Variants in CFAP299 observed in about 807,000 individuals in gnomAD.
The protein encoded by CFAP299 is cilia and flagella associated protein 299.
CFAP299 carries 21 observed loss-of-function variants against 27.0 expected under a neutral mutation model. That is an observed-to-expected ratio of 0.78 (90% CI 0.55 to 1.12). CFAP299 has a LOEUF of 1.12. Among genes scored for constraint, CFAP299 ranks in the 50% most tolerant of loss-of-function variants. CFAP299 has a pLI of 0.00. For missense variants in CFAP299, 310 were observed against 276.6 expected, an observed-to-expected ratio of 1.12 and a Z score of -0.86; for synonymous variants, 104 against 98.1, an observed-to-expected ratio of 1.06 and a Z score of -0.36.
At chr4:80,387,250 G>A (rs561918835) in intron 2 of CFAP299, 4 of 1,591,784 alleles carry the variant, frequency 2.5e-6, no homozygotes, top group South Asian at 1.1e-5. Context: ...AGAAGTGGCC[G>A]GGGTAGCTCA....
At chr4:80,843,792 G>A (rs548029031) in intron 3 of CFAP299, among the ~76,000 whole-genome samples, 1 of 151,774 alleles carries the variant, frequency 6.6e-6, no homozygotes, top group East Asian at 1.9e-4. Flanking sequence ...TTAAGTTTTA[G>A]GGTACATGTG....
chr4:80,523,049 G>C (rs1732999664), intron 2 of CFAP299, among the ~76,000 whole-genome samples: 1 of 152,054 alleles, frequency 6.6e-6, no homozygotes, highest in South Asian at 2.1e-4. Flanking sequence ...TTGGGATTTT[G>C]ATAGGAATTG....
chr4:80,462,091 C>T (rs546180704), intron 2 of CFAP299, among the ~76,000 whole-genome samples: 1 of 152,238 alleles, frequency 6.6e-6, no homozygotes, highest in African/African-American at 2.4e-5. Context: ...TTTAATCCAA[C>T]CTTGGATCCC....
chr4:80,604,005 C>T (rs1737504375), intron 3 of CFAP299, among the ~76,000 whole-genome samples: 1 of 152,170 alleles, frequency 6.6e-6, no homozygotes, highest in South Asian at 2.1e-4. Context: ...TTAAAAAATA[C>T]TTGAATATAA....
intron 3 of CFAP299, among the ~76,000 whole-genome samples, chr4:80,843,228 C>A (rs1301623568): frequency 6.6e-6 from 1 of 152,056 alleles, no homozygotes; most frequent in Non-Finnish European, 1.5e-5. Flanking sequence ...TATCCCTCCC[C>A]CAGCCTGCCA....
chr4:80,546,610 C>T (rs1196098706), intron 2 of CFAP299, among the ~76,000 whole-genome samples: 1 of 152,110 alleles, frequency 6.6e-6, no homozygotes, highest in Non-Finnish European at 1.5e-5. Flanking sequence ...GTATTTGGGT[C>T]ATGGGGCAAA....
chr4:80,622,782 A>C (rs1348756263), intron 3 of CFAP299, among the ~76,000 whole-genome samples: 1 of 152,184 alleles, frequency 6.6e-6, no homozygotes, highest in East Asian at 1.9e-4. Context: ...GCTGCAGTCC[A>C]CTAGGAAGCA....
At chr4:80,901,248 C>G (rs977704234) in intron 4 of CFAP299, among the ~76,000 whole-genome samples, 1 of 152,150 alleles carries the variant, frequency 6.6e-6, no homozygotes, top group Non-Finnish European at 1.5e-5. Flanking sequence ...TAGCATATGA[C>G]TAGAACACGC....
chr4:80,531,201 A>G (rs934967156), intron 2 of CFAP299, among the ~76,000 whole-genome samples: 1 of 152,174 alleles, frequency 6.6e-6, no homozygotes, highest in Non-Finnish European at 1.5e-5. Context: ...TTCCAGGCAT[A>G]TTTTGAAAAT....
intron 3 of CFAP299, among the ~76,000 whole-genome samples, chr4:80,584,902 G>T (rs996149218): frequency 6.6e-6 from 1 of 151,944 alleles, no homozygotes; most frequent in Non-Finnish European, 1.5e-5. Flanking sequence ...GGCAGAAAAT[G>T]AATAATCAAA....
chr4:80,788,364 A>G (rs1727363716), intron 3 of CFAP299, among the ~76,000 whole-genome samples: 1 of 152,004 alleles, frequency 6.6e-6, no homozygotes, highest in South Asian at 2.1e-4. Context: ...TTTTACCGAT[A>G]TCTAACTGAA....
intron 3 of CFAP299, among the ~76,000 whole-genome samples, chr4:80,804,776 T>G (rs1728781075): frequency 6.6e-6 from 1 of 152,184 alleles, no homozygotes; most frequent in Non-Finnish European, 1.5e-5. Flanking sequence ...GGATCTAAAA[T>G]GAGTTTTACA....
rs762677729 is a variant in CFAP299 at position 80,944,769 on chromosome 4, C to T, written c.477-41C>T. The T allele has an allele frequency of 5.6e-6, 8 of 1,433,962 alleles. No individual in the cohort carries two copies. In the Admixed American group the frequency reaches 1.0e-4, roughly 18 times the overall value. 88.8% of individuals were successfully genotyped at this position (1,433,962 alleles called of 1,614,324 possible). A position where few individuals can be genotyped will look rare whatever the true frequency, so the allele number is the denominator to read the frequency against. ...TTAAACTATATTTGTCAATTTAATG[C>T]ATTATACATCTTAATTCCTAATAAA... On this transcript the variant is annotated intron_variant, in intron 4 of 5. Transcript: ENST00000358105.
intron 3 of CFAP299, among the ~76,000 whole-genome samples, chr4:80,608,963 T>C (rs1737826635): frequency 6.6e-6 from 1 of 151,918 alleles, no homozygotes; most frequent in South Asian, 2.1e-4. Context: ...CATTTCATGA[T>C]AAAATACAAT....
chr4:80,389,111 A>G (rs1449737272), intron 2 of CFAP299, among the ~76,000 whole-genome samples: 2 of 152,184 alleles, frequency 1.3e-5, no homozygotes, highest in Admixed American at 6.5e-5. Context: ...AGGAATTTCT[A>G]ATACGAAATC....
At chr4:80,520,943 T>C (rs530365892) in intron 2 of CFAP299, among the ~76,000 whole-genome samples, 6 of 152,248 alleles carry the variant, frequency 3.9e-5, no homozygotes, top group African/African-American at 1.2e-4. Flanking sequence ...ATGACTCCTA[T>C]GAAATGCACA....
At chr4:80,746,505 G>T (rs1444482425) in intron 3 of CFAP299, among the ~76,000 whole-genome samples, 3 of 151,986 alleles carry the variant, frequency 2.0e-5, no homozygotes, top group African/African-American at 7.2e-5. Context: ...ATGACATTAT[G>T]GCTCTTTCTC....
At chr4:80,390,514 CATATATGTATATATGT>C (rs1343755209) in intron 2 of CFAP299, among the ~76,000 whole-genome samples, 23 of 38,122 alleles carry the variant, frequency 6.0e-4, no homozygotes, top group African/African-American at 1.5e-3. Context: ...TATATACACA[CATATATGTATATATGT>C]ATATATGTAT....
At chr4:80,777,529 A>T (rs1726622039) in intron 3 of CFAP299, among the ~76,000 whole-genome samples, 1 of 152,170 alleles carries the variant, frequency 6.6e-6, no homozygotes, top group Non-Finnish European at 1.5e-5. Context: ...AGTCATGTGG[A>T]TATAAAACAC....
Sources: allele counts gnomAD v4.1 joint callset (sites outside exome capture counted in the v4.1 genomes callset), GRCh38; gene constraint gnomAD v4.1.1; transcripts MANE v1.5; gene names NCBI Gene and HGNC (gene_info 2026-07-23, HGNC 2026-07-21).